The following ANKRD55 variants were observed in gnomAD, a reference collection of about 807,000 sequenced individuals.
ANKRD55 encodes ankyrin repeat domain 55.
Under a neutral mutation model 60.6 loss-of-function variants are expected in ANKRD55, and 41 were observed. That is an observed-to-expected ratio of 0.68 (90% CI 0.53 to 0.88). ANKRD55 has a LOEUF of 0.88. ANKRD55 is among the 40% of genes least tolerant of loss of function. ANKRD55 has a pLI of 0.00. For missense variants in ANKRD55, 732 were observed against 767.6 expected (o/e 0.95, Z 0.55); for synonymous variants, 264 against 290.3 (o/e 0.91, Z 0.92).
At chr5:56,226,224 A>C in intron 2 of ANKRD55, among the ~76,000 whole-genome samples, 1 of 152,332 alleles carries the variant, frequency 6.6e-6, no homozygotes, top group South Asian at 2.1e-4. Flanking sequence ...AAAAACAAGA[A>C]ATGAGGAAAG....
chr5:56,168,323 C>T (rs1330956161), intron 5 of ANKRD55, among the ~76,000 whole-genome samples: 6 of 152,116 alleles, frequency 3.9e-5, no homozygotes, highest in Non-Finnish European at 5.9e-5. Context: ...ATAAACAATT[C>T]ATGTTTTAAA....
At chr5:56,175,074 C>G (rs1384882637) in intron 4 of ANKRD55, among the ~76,000 whole-genome samples, 1 of 152,146 alleles carries the variant, frequency 6.6e-6, no homozygotes, top group Non-Finnish European at 1.5e-5. Context: ...CTGTGGACCA[C>G]AGTTTGAAAA....
At chr5:56,135,769 C>T (rs142822494) in intron 7 of ANKRD55, among the ~76,000 whole-genome samples, 27 of 152,154 alleles carry the variant, frequency 1.8e-4, no homozygotes, top group Non-Finnish European at 3.1e-4. Context: ...GAAATAAAAC[C>T]GTCTGTTTTC....
chr5:56,215,141 T>C (rs1975111), intron 2 of ANKRD55, among the ~76,000 whole-genome samples: 15,071 of 152,110 alleles, frequency 0.099, 1,350 homozygotes, highest in African/African-American at 0.24. Context: ...GGTTAGAGAT[T>C]TCTGAACTCT....
At position 56,215,231 on chromosome 5, in the gene ANKRD55, G is replaced by T. The variant is rs80065962; in HGVS notation, c.58+17625C>A. On this transcript the variant is annotated intron_variant, in intron 2 of 11. Transcript: ENST00000341048. ...TAACAACCCATCTTCAGAAGCTTCCGTGATAAAAGCCAAGCCCTGGCCTTG... is the reference window on the plus strand; with the variant it reads ...TAACAACCCATCTTCAGAAGCTTCCTTGATAAAAGCCAAGCCCTGGCCTTG... 3.5e-4 allele frequency among the ~76,000 whole-genome samples: 54 copies of T among 152,236 alleles called. No individual in the cohort carries two copies. In the East Asian group the frequency reaches 9.2e-3, roughly 26 times the overall value.
intron 2 of ANKRD55, among the ~76,000 whole-genome samples, chr5:56,194,912 A>G (rs1199051946): frequency 6.6e-6 from 1 of 152,182 alleles, no homozygotes; most frequent in Non-Finnish European, 1.5e-5. Context: ...TCCTGTTGAG[A>G]GATGAGAACG....
intron 5 of ANKRD55, among the ~76,000 whole-genome samples, chr5:56,162,672 A>ATTTTTTT (rs148386596): frequency 6.8e-6 from 1 of 147,048 alleles, no homozygotes. Context: ...ATTTTTGGTC[A>ATTTTTTT]ATTTTTTTTT....
intron 6 of ANKRD55, among the ~76,000 whole-genome samples, chr5:56,155,094 T>C (rs993881690): frequency 6.6e-6 from 1 of 151,744 alleles, no homozygotes; most frequent in African/African-American, 2.4e-5. Flanking sequence ...GAGCTGGGTA[T>C]GGTTGTGCAT....
At chr5:56,183,901 A>G (rs1758908674) in intron 2 of ANKRD55, among the ~76,000 whole-genome samples, 3 of 152,192 alleles carry the variant, frequency 2.0e-5, no homozygotes, top group South Asian at 4.1e-4. Flanking sequence ...CCAGGCATTC[A>G]GGCTTCTCGA....
chr5:56,217,935 A>C (rs1034385922), intron 2 of ANKRD55, among the ~76,000 whole-genome samples: 2 of 152,168 alleles, frequency 1.3e-5, no homozygotes, highest in Admixed American at 1.3e-4. Flanking sequence ...GGTTTGGAAG[A>C]AGTTAATTTC....
intron 10 of ANKRD55, among the ~76,000 whole-genome samples, chr5:56,109,731 T>A (rs1312418849): frequency 6.6e-6 from 1 of 152,098 alleles, no homozygotes; most frequent in Non-Finnish European, 1.5e-5. Flanking sequence ...TATAAAAATA[T>A]AAATTCTATG....
chr5:56,217,283 C>T (rs922761740), intron 2 of ANKRD55, among the ~76,000 whole-genome samples: 1 of 152,190 alleles, frequency 6.6e-6, no homozygotes, highest in African/African-American at 2.4e-5. Flanking sequence ...ACTGACAATA[C>T]ATTGTCAATG....
intron 6 of ANKRD55, among the ~76,000 whole-genome samples, chr5:56,151,927 ATATG>A (rs200908388): frequency 4.0e-4 from 53 of 133,130 alleles, no homozygotes; most frequent in East Asian, 2.9e-3. Context: ...ATATATGTAT[ATATG>A]TATATATGTG....
At chr5:56,197,673 T>C (rs1342697090) in intron 2 of ANKRD55, among the ~76,000 whole-genome samples, 3 of 152,220 alleles carry the variant, frequency 2.0e-5, no homozygotes, top group Non-Finnish European at 4.4e-5. Context: ...GCTTATATTT[T>C]CTAGTGGAAA....
At chr5:56,118,132 G>C (rs1011966980) in intron 8 of ANKRD55, among the ~76,000 whole-genome samples, 3 of 151,894 alleles carry the variant, frequency 2.0e-5, no homozygotes, top group African/African-American at 7.3e-5. Flanking sequence ...GACAGAGCAA[G>C]ACTCTGTCTC....
intron 7 of ANKRD55, among the ~76,000 whole-genome samples, chr5:56,129,684 T>A (rs1757361100): frequency 6.6e-6 from 1 of 152,216 alleles, no homozygotes; most frequent in South Asian, 2.1e-4. Context: ...TTAAGACTAG[T>A]TGCTTATTTG....
chr5:56,142,068 G>A (rs1444817858), intron 7 of ANKRD55, among the ~76,000 whole-genome samples: 3 of 152,132 alleles, frequency 2.0e-5, no homozygotes, highest in Non-Finnish European at 4.4e-5. Context: ...AGTGGCTCAC[G>A]TCTGTAATCT....
intron 9 of ANKRD55, among the ~76,000 whole-genome samples, chr5:56,113,881 C>T (rs559902334): frequency 3.3e-5 from 5 of 151,602 alleles, no homozygotes; most frequent in Non-Finnish European, 7.4e-5. Context: ...AACTCCTGGG[C>T]TCAAGTGATC....
chr5:56,188,724 G>A (rs900373451), intron 2 of ANKRD55, among the ~76,000 whole-genome samples: 2 of 152,160 alleles, frequency 1.3e-5, no homozygotes, highest in Non-Finnish European at 2.9e-5. Context: ...CTATAGCCTT[G>A]TAGTATAATT....
Sources: allele counts gnomAD v4.1 joint callset (sites outside exome capture counted in the v4.1 genomes callset), GRCh38; gene constraint gnomAD v4.1.1; transcripts MANE v1.5; gene names NCBI Gene and HGNC (gene_info 2026-07-23, HGNC 2026-07-21).